SCAF8: variants seen among roughly 807,000 people sequenced by gnomAD.
SCAF8 encodes the protein SR-related CTD associated factor 8, also known as SR-related and CTD-associated factor 8.
In SCAF8, 23 loss-of-function variants were observed where a neutral mutation model predicts 140.5. The ratio of observed to expected loss-of-function variants is 0.16; its 90% CI spans 0.12 to 0.23. The LOEUF is 0.23. SCAF8 is among the 10% of genes least tolerant of loss of function. The probability of loss-of-function intolerance (pLI) is 1.00; values close to 1 mark genes in which losing one functional copy is unlikely to be tolerated. For missense variants in SCAF8, 1,397 were observed against 1,555.7 expected (o/e 0.90, Z 1.72); for synonymous variants, 575 against 528.9 (o/e 1.09, Z -1.20).
intron 6 of SCAF8, among the ~76,000 whole-genome samples, chr6:154,797,460 A>G (rs942484143): frequency 2.6e-5 from 4 of 151,212 alleles, no homozygotes; most frequent in Non-Finnish European, 5.9e-5. Context: ...CAGTGGTGCA[A>G]TCTTGGCTCA....
chr6:154,748,844 T>A (rs1157893957), intron 1 of SCAF8, among the ~76,000 whole-genome samples: 1 of 152,250 alleles, frequency 6.6e-6, no homozygotes, highest in Non-Finnish European at 1.5e-5. Context: ...AATCAGTACT[T>A]TGATTTATTT....
intron 1 of SCAF8, among the ~76,000 whole-genome samples, chr6:154,755,145 T>C (rs1477272933): frequency 6.6e-6 from 1 of 152,238 alleles, no homozygotes; most frequent in East Asian, 1.9e-4. Context: ...TTAGCTCTTA[T>C]CCTCATCGCT....
intron 1 of SCAF8, among the ~76,000 whole-genome samples, chr6:154,736,980 AAC>A (rs1213173617): frequency 6.6e-6 from 1 of 152,202 alleles, no homozygotes; most frequent in Non-Finnish European, 1.5e-5. Flanking sequence ...TTTTTTTTTA[AAC>A]ACAAAACAAT....
At chr6:154,745,618 C>T (rs763716280) in intron 1 of SCAF8, among the ~76,000 whole-genome samples, 6 of 151,948 alleles carry the variant, frequency 3.9e-5, no homozygotes, top group Non-Finnish European at 5.9e-5. Flanking sequence ...GCAGGGTTTC[C>T]CTACTGTGTA....
At chr6:154,759,794 T>C (rs914784972) in intron 1 of SCAF8, among the ~76,000 whole-genome samples, 5 of 151,514 alleles carry the variant, frequency 3.3e-5, no homozygotes, top group African/African-American at 1.2e-4. Flanking sequence ...GCCTCCCGAA[T>C]AGCTGGGACT....
At chr6:154,778,070 G>A (rs1240103483) in intron 3 of SCAF8, 25 bp downstream of exon 3, 3 of 1,376,074 alleles carry the variant, frequency 2.2e-6, no homozygotes, top group Non-Finnish European at 3.1e-6. Flanking sequence ...TTCCATACAT[G>A]TGCTGTAATT....
At chr6:154,770,426 G>GTCTGTCTCTCTCTCTCTCTCT (rs1372550395) in intron 1 of SCAF8, among the ~76,000 whole-genome samples, 2 of 134,340 alleles carry the variant, frequency 1.5e-5, no homozygotes, top group Non-Finnish European at 3.3e-5. Context: ...TCTCTCTCTA[G>GTCTGTCTCTCTCTCTCTCTCT]TTGAGTGTGG....
At chr6:154,746,439 C>G (rs1052767601) in intron 1 of SCAF8, among the ~76,000 whole-genome samples, 1 of 152,126 alleles carries the variant, frequency 6.6e-6, no homozygotes, top group African/African-American at 2.4e-5. Flanking sequence ...TCTTTCTCAT[C>G]TGTTTTGTAT....
chr6:154,738,321 T>TAC (rs1472902002), intron 1 of SCAF8, among the ~76,000 whole-genome samples: 1 of 152,222 alleles, frequency 6.6e-6, no homozygotes, highest in Non-Finnish European at 1.5e-5. Flanking sequence ...TTGTCATGTC[T>TAC]ACCCTCCCTA....
chr6:154,832,682 G>A lies in SCAF8; in HGVS notation c.3103G>A (p.Val1035Ile). ...CATTAGTAGACCTCCCCCTGTGGATGTTAGAGATGTGGTTGGGCGGCCTAT... is the reference window on the plus strand; with the variant it reads ...CATTAGTAGACCTCCCCCTGTGGATATTAGAGATGTGGTTGGGCGGCCTAT... ...ESISRPPPVD[V>I]RDVVGRPIDP... Residue 1035 changes from valine to isoleucine, a missense_variant, in exon 20 of 20, where the codon GTT becomes ATT. By Grantham distance (29) the Val-to-Ile change is conservative (BLOSUM62 3). This residue lies in a region of SCAF8 where 930 missense variants were observed against 874.6 expected (regional missense o/e 1.06). Coordinates refer to ENST00000367178, the MANE Select transcript of SCAF8 (RefSeq NM_014892.5). 1.9e-6 allele frequency: 3 copies of A among 1,614,102 alleles called. No individual in the cohort carries two copies. Among genetic ancestry groups the A allele is most frequent in the Non-Finnish European group, 2.5e-6 (3 of 1,179,992 alleles).
Position 154,737,885 on chromosome 6 carries a change from A to G in SCAF8, c.30+3955A>G, listed in dbSNP as rs143943897. Among the ~76,000 whole-genome samples the G allele has an allele frequency of 5.6e-4, 85 of 152,282 alleles. 2 individuals are homozygous for G. The East Asian group carries it at 0.016, about 28-fold the overall frequency. ...GCCTAAGCCGTGGTGCCTGCCCCAA[A>G]TTAAATGTTTAAAATACAAAATACT... On this transcript the variant is annotated intron_variant, in intron 1 of 19. Coordinates refer to ENST00000367178, the MANE Select transcript of SCAF8 (RefSeq NM_014892.5).
In SCAF8 at chr6:154,805,499, A is replaced by C; in HGVS notation, c.981+13A>C. ...ACAGCCTCAAAAGGTTTATAACCCC[A>C]TCTTGTGGTCTTTAGAGTTATTACT... is the stretch of plus-strand genomic sequence containing the variant. On this transcript the variant is annotated intron_variant, in intron 9 of 19. Transcript: ENST00000367178. 3 of 1,470,912 alleles carry C rather than the reference A, an allele frequency of 2.0e-6. No individual in the cohort carries two copies. The highest frequency in any genetic ancestry group is 2.8e-6 in the Non-Finnish European group (3 of 1,059,768). 91.1% of individuals were successfully genotyped at this position (1,470,912 alleles called of 1,614,324 possible).
chr6:154,753,739 C>T (rs1583004102), intron 1 of SCAF8, among the ~76,000 whole-genome samples: 3 of 152,080 alleles, frequency 2.0e-5, no homozygotes, highest in East Asian at 1.9e-4. Flanking sequence ...GCCTACCAGC[C>T]GTTTAACAGT....
In SCAF8 at chr6:154,831,008, G is replaced by A; in HGVS notation, c.2227G>A (p.Ala743Thr). 3 of 1,614,094 alleles carry A rather than the reference G, an allele frequency of 1.9e-6. No individual in the cohort carries two copies. The highest frequency in any genetic ancestry group is 2.5e-6 in the Non-Finnish European group (3 of 1,179,978). ...GSLVIPGGSV[A>T]SNLATSALPA... ...CCTTGTTATACCAGGCGGTTCTGTT[G>A]CCAGCAATCTTGCTACTTCCGCTCT... The change falls in exon 19 of 20, where the codon GCC (alanine) becomes ACC (threonine). Residue 743 changes from alanine (A) to threonine (T), a missense_variant. By Grantham distance (58) the Ala-to-Thr change is moderately conservative. Coordinates refer to ENST00000367178, the MANE Select transcript of SCAF8 (RefSeq NM_014892.5).
At chr6:154,776,243 A>G (rs1776913109) in intron 2 of SCAF8, among the ~76,000 whole-genome samples, 1 of 151,750 alleles carries the variant, frequency 6.6e-6, no homozygotes, top group Admixed American at 6.6e-5. Flanking sequence ...AAGCGTCTAG[A>G]CCAGTTGTTT....
At chr6:154,740,615 TTTTCTTTTTC>T (rs1255377058) in intron 1 of SCAF8, among the ~76,000 whole-genome samples, 2 of 120,434 alleles carry the variant, frequency 1.7e-5, no homozygotes, top group Non-Finnish European at 3.4e-5. Context: ...TTCTTTTTCT[TTTTCTTTTTC>T]TTTTTTTTTT....
At chr6:154,793,397 T>G (rs1777481337) in intron 5 of SCAF8, among the ~76,000 whole-genome samples, 1 of 151,992 alleles carries the variant, frequency 6.6e-6, no homozygotes, top group Non-Finnish European at 1.5e-5. Flanking sequence ...TTTAAATGAC[T>G]ATGATAAAAA....
At position 154,789,343 on chromosome 6, in the gene SCAF8, C is replaced by T. The variant is rs149879988; in HGVS notation, c.321+1321C>T. Among the ~76,000 whole-genome samples, 736 of 151,828 alleles carry T rather than the reference C, an allele frequency of 4.8e-3. 8 individuals are homozygous for T. Among genetic ancestry groups the T allele is most frequent in the African/African-American group, 0.017 (712 of 41,400 alleles). ...GGGTAGGCTGGTCTCAAATTCCTGACCTTGTGATCCGCCCACCATGGCCTC... is the reference window on the plus strand; with the variant it reads ...GGGTAGGCTGGTCTCAAATTCCTGATCTTGTGATCCGCCCACCATGGCCTC... On this transcript the variant is annotated intron_variant, in intron 4 of 19. Coordinates refer to ENST00000367178, the MANE Select transcript of SCAF8 (RefSeq NM_014892.5).
rs58013583 is a variant in SCAF8, at chr6:154,831,703, T to TAAAAAAA, written c.2360-203_2360-197dup. Among the ~76,000 whole-genome samples, 61 of 48,096 alleles carry TAAAAAAA rather than the reference T, an allele frequency of 1.3e-3. 1 individual carries two copies. Among genetic ancestry groups the TAAAAAAA allele is most frequent in the African/African-American group, 2.3e-3 (32 of 14,216 alleles). The allele number at this position is 48,096 out of a possible 152,430, so 31.6% of individuals were successfully genotyped here. ...CCTTTTAAACCTCCACTCCTGTTCTTAAAAAAAAAAAAAAAAAAAAAAAAA... is the reference window on the plus strand; with the variant it reads ...CCTTTTAAACCTCCACTCCTGTTCTTAAAAAAAAAAAAAAAAAAAAAAAAAAAAAAAA... On this transcript the variant is annotated intron_variant, in intron 19 of 19. Transcript: ENST00000367178.
Sources: allele counts gnomAD v4.1 joint callset (sites outside exome capture counted in the v4.1 genomes callset), GRCh38; gene constraint gnomAD v4.1.1; regional missense constraint gnomAD v4.1.1; transcripts MANE v1.5; gene names NCBI Gene and HGNC (gene_info 2026-07-23, HGNC 2026-07-21).